The following PLCXD1 variants were observed in gnomAD, a reference collection of about 807,000 sequenced individuals.
The protein encoded by PLCXD1 is PI-PLC X domain-containing protein 1.
A neutral mutation model predicts 37.8 loss-of-function variants in PLCXD1; 45 were observed. That is an observed-to-expected ratio of 1.19 (90% CI 0.94 to 1.53). The LOEUF (loss-of-function observed/expected upper bound fraction) is 1.53, where lower values mean the gene tolerates loss of function less well. Among genes scored for constraint, PLCXD1 ranks in the 40% most tolerant of loss-of-function variants. The pLI is 0.00. For synonymous variants in PLCXD1, 246 were observed against 206.9 expected, an observed-to-expected ratio of 1.19 and a Z score of -1.62; for missense variants, 539 against 454.7, an observed-to-expected ratio of 1.19 and a Z score of -1.69.
chrX:298,793 T>C (rs1232471584), intron 6 of PLCXD1, among the ~76,000 whole-genome samples: 8 of 105,216 alleles, frequency 7.6e-5, no homozygotes, highest in Admixed American at 9.3e-5. Context: ...ATTCTGTCTA[T>C]CACATGGGGA....
At position 281,670 on chromosome X, in the gene PLCXD1, C is replaced by A. The variant is rs2069280913; in HGVS notation, c.-36C>A. On this transcript the variant is annotated 5_prime_UTR_variant, in exon 1 of 7. Coordinates refer to ENST00000381657, the MANE Select transcript of PLCXD1 (RefSeq NM_018390.4). ...CAATTCGAATTCCGAACTCCCCCTGCGTGTGGGACTCAAGGTGGGTTTGCA... is the reference window on the plus strand; with the variant it reads ...CAATTCGAATTCCGAACTCCCCCTGAGTGTGGGACTCAAGGTGGGTTTGCA... 6.6e-6 allele frequency: 1 copy of A among 152,164 alleles called. No homozygotes were observed. The highest frequency in any genetic ancestry group is 2.4e-5 in the African/African-American group (1 of 41,436). The allele number at this position is 152,164 out of a possible 1,614,324, so 9.4% of individuals were successfully genotyped here.
At position 299,347 on chromosome X, in the gene PLCXD1, T is replaced by C. The variant is rs372855940; in HGVS notation, c.*12T>C. The C allele has an allele frequency of 5.7e-6, 9 of 1,590,578 alleles. No individual in the cohort carries two copies. In the East Asian group the frequency reaches 6.7e-5, roughly 12 times the overall value. Reference sequence around the variant, plus strand: ...TGCTGTGGTGCTGACGGGACCCTTCTGAAGTTCGGGACGCGGCGGCTGCAG... The same window carrying C: ...TGCTGTGGTGCTGACGGGACCCTTCCGAAGTTCGGGACGCGGCGGCTGCAG... On this transcript the variant is annotated 3_prime_UTR_variant, in exon 7 of 7. Coordinates refer to ENST00000381657, the MANE Select transcript of PLCXD1 (RefSeq NM_018390.4).
chrX:290,842 CGGCCG>C lies in PLCXD1; in HGVS notation c.393+70_393+74del, dbSNP rs2124363650. 5.6e-6 allele frequency: 8 copies of C among 1,416,116 alleles called. No homozygotes were observed. In the Admixed American group the frequency reaches 6.0e-5, roughly 11 times the overall value. 87.7% of individuals were successfully genotyped at this position (1,416,116 alleles called of 1,614,324 possible). On this transcript the variant is annotated intron_variant, in intron 4 of 6. Transcript: ENST00000381657. ...AGGCGGCCGGGCACTGGTGCAGGTG[CGGCCG>C]GGCTGAGGTGGGAAGCAAGGGGGAC...
At position 302,246 on chromosome X, in the gene PLCXD1, TAAAGTCCTACA is replaced by T. The variant is rs1424586597; in HGVS notation, c.*2912_*2922del. 1 of 94,554 alleles carries T rather than the reference TAAAGTCCTACA, an allele frequency of 1.1e-5. No homozygotes were observed. Among genetic ancestry groups the T allele is most frequent in the Non-Finnish European group, 2.0e-5 (1 of 50,470 alleles). The allele number at this position is 94,554 out of a possible 1,614,324, so 5.9% of individuals were successfully genotyped here. ...GCTAGTCCCGGTCACCTCCGTGAAT[TAAAGTCCTACA>T]GGTACAAGGGAGACCCCCCCCCCAC... On this transcript the variant is annotated 3_prime_UTR_variant, in exon 7 of 7. Transcript: ENST00000381657.
intron 6 of PLCXD1, among the ~76,000 whole-genome samples, chrX:296,490 G>A (rs1474242751): frequency 1.3e-5 from 2 of 152,148 alleles, no homozygotes; most frequent in African/African-American, 2.4e-5. Context: ...GCCGTCTCTG[G>A]CTGTGGAATC....
At chrX:278,887 G>A (rs766002898), upstream of PLCXD1, among the ~76,000 whole-genome samples, 5 of 152,256 alleles carry the variant, frequency 3.3e-5, no homozygotes, top group African/African-American at 9.6e-5. Context: ...GAATCCATAC[G>A]TGTAAGACGA....
chrX:296,033 A>G, intron 6 of PLCXD1, among the ~76,000 whole-genome samples: 1 of 151,822 alleles, frequency 6.6e-6, no homozygotes, highest in East Asian at 1.9e-4. Flanking sequence ...GCTGGTCTCG[A>G]ACTCCCGACC....
chrX:287,480 G>A (rs1414800135), intron 2 of PLCXD1, among the ~76,000 whole-genome samples: 9 of 125,928 alleles, frequency 7.1e-5, no homozygotes, highest in African/African-American at 2.9e-4. Flanking sequence ...TACTATATAT[G>A]TTTATATATA....
chrX:285,401 C>T (rs1266343180), intron 2 of PLCXD1, among the ~76,000 whole-genome samples: 1 of 152,006 alleles, frequency 6.6e-6, no homozygotes, highest in African/African-American at 2.4e-5. Context: ...CCTATGCACA[C>T]ATATATACAC....
At chrX:276,632 T>C (rs897000537), upstream of PLCXD1, among the ~76,000 whole-genome samples, 1 of 152,038 alleles carries the variant, frequency 6.6e-6, no homozygotes, top group African/African-American at 2.4e-5. Flanking sequence ...TTGCAGACCG[T>C]GAATTCTCTG....
At chrX:295,594 G>A (rs1287528423) in intron 6 of PLCXD1, among the ~76,000 whole-genome samples, 3 of 151,296 alleles carry the variant, frequency 2.0e-5, no homozygotes, top group East Asian at 1.9e-4. Flanking sequence ...GCGCGATCTC[G>A]GCTCACTGCA....
rs1569339444 is a variant in PLCXD1 at position 300,277 on chromosome X, T to C, written c.*942T>C. 2.0e-5 allele frequency: 3 copies of C among 152,032 alleles called. No individual in the cohort carries two copies. Among genetic ancestry groups the C allele is most frequent in the Non-Finnish European group, 4.4e-5 (3 of 68,026 alleles). 9.4% of individuals were successfully genotyped at this position (152,032 alleles called of 1,614,324 possible). A position where few individuals can be genotyped will look rare whatever the true frequency, so the allele number is the denominator to read the frequency against. ...GAGACACTATCCTCCCACAGCTCAC[T>C]AATTACTAAACACAGTGACAGCCCA... On this transcript the variant is annotated 3_prime_UTR_variant, in exon 7 of 7. Coordinates refer to ENST00000381657, the MANE Select transcript of PLCXD1 (RefSeq NM_018390.4).
intron 5 of PLCXD1, among the ~76,000 whole-genome samples, chrX:291,893 C>T (rs1341240154): frequency 1.4e-4 from 21 of 152,158 alleles, no homozygotes; most frequent in Non-Finnish European, 2.1e-4. Context: ...GTCAGCCGGG[C>T]GCGGTGGCTC....
chrX:279,461 C>A (rs1211198629), upstream of PLCXD1, among the ~76,000 whole-genome samples: 1 of 152,168 alleles, frequency 6.6e-6, no homozygotes, highest in Non-Finnish European at 1.5e-5. Flanking sequence ...AATTTTCTGA[C>A]TGGCAATTGG....
chrX:294,207 G>C (rs1480579639), intron 6 of PLCXD1, among the ~76,000 whole-genome samples: 1 of 152,242 alleles, frequency 6.6e-6, no homozygotes, highest in African/African-American at 2.4e-5. Context: ...CACAGGCCGG[G>C]CGCGGTGGCT....
At chrX:283,564 T>G (rs74656081) in intron 1 of PLCXD1, 21,221 of 61,796 alleles carry the variant, frequency 0.34, 2,683 homozygotes, top group East Asian at 0.5. Context: ...GGGGGCGGCC[T>G]TGGTGTCAGG....
chrX:283,816 A>G (rs2069358177), intron 1 of PLCXD1: 1 of 195,566 alleles, frequency 5.1e-6, no homozygotes. Context: ...ACGCTAGACA[A>G]GAAACATTTT....
rs2069986428 is a variant in PLCXD1, at chrX:300,608, A to G, written c.*1273A>G. 2 of 151,760 alleles carry G rather than the reference A, an allele frequency of 1.3e-5. No homozygotes were observed. Among genetic ancestry groups the G allele is most frequent in the Admixed American group, 6.6e-5 (1 of 15,232 alleles). 9.4% of individuals were successfully genotyped at this position (151,760 alleles called of 1,614,324 possible). A position where few individuals can be genotyped will look rare whatever the true frequency, so the allele number is the denominator to read the frequency against. ...TGTGTTTATACATGTATATGTGTGT[A>G]TGCGTGTATACGTGTATGTATACAT... is the stretch of plus-strand genomic sequence containing the variant. On this transcript the variant is annotated 3_prime_UTR_variant, in exon 7 of 7. Coordinates refer to ENST00000381657, the MANE Select transcript of PLCXD1 (RefSeq NM_018390.4).
chrX:279,770 T>C (rs1400455601), upstream of PLCXD1, among the ~76,000 whole-genome samples: 1 of 135,654 alleles, frequency 7.4e-6, no homozygotes, highest in Non-Finnish European at 1.5e-5. Context: ...CGAGACCCTG[T>C]CTCTGAAAAA....
Sources: allele counts gnomAD v4.1 joint callset (sites outside exome capture counted in the v4.1 genomes callset), GRCh38; gene constraint gnomAD v4.1.1; transcripts MANE v1.5; gene names NCBI Gene and HGNC (gene_info 2026-07-23, HGNC 2026-07-21).